The following RANBP2 variants were observed in gnomAD, a reference collection of about 807,000 sequenced individuals.
RANBP2 encodes RAN binding protein 2, also known as E3 SUMO-protein ligase RanBP2.
In RANBP2, 57 loss-of-function variants were observed where a neutral mutation model predicts 303.6. That is an observed-to-expected ratio of 0.19 (90% CI 0.15 to 0.23). The LOEUF (loss-of-function observed/expected upper bound fraction) is 0.23, where lower values mean the gene tolerates loss of function less well. RANBP2 is among the 10% of genes least tolerant of loss of function. RANBP2 has a pLI of 1.00. For missense variants in RANBP2, 3,138 were observed against 3,780.8 expected, an observed-to-expected ratio of 0.83 and a Z score of 4.46; for synonymous variants, 1,167 against 1,301.5, an observed-to-expected ratio of 0.90 and a Z score of 2.23.
At chr2:108,889,371 A>G in the RANBP2 span, among the ~76,000 whole-genome samples, 1 of 152,138 alleles carries the variant, frequency 6.6e-6, no homozygotes, top group Non-Finnish European at 1.5e-5. Flanking sequence ...TGATCTATCT[A>G]ATGCTGAGTG....
chr2:109,116,047 T>G, the RANBP2 span, among the ~76,000 whole-genome samples: 3 of 152,366 alleles, frequency 2.0e-5, no homozygotes, highest in South Asian at 6.2e-4. Context: ...AATCTTTCTC[T>G]CTGTTTGCCC....
the RANBP2 span, chr2:108,884,460 A>G: frequency 6.6e-6 from 1 of 152,228 alleles, no homozygotes; most frequent in African/African-American, 2.4e-5. Flanking sequence ...GAGACAGTGA[A>G]TATGTTCCCA....
the RANBP2 span, among the ~76,000 whole-genome samples, chr2:109,232,952 AC>A: frequency 5.4e-3 from 818 of 152,036 alleles, 1 homozygote; most frequent in Non-Finnish European, 7.3e-3. Flanking sequence ...GAGTTCCCTT[AC>A]CCCTTTGTGA....
the RANBP2 span, among the ~76,000 whole-genome samples, chr2:109,225,816 A>G: frequency 6.6e-6 from 1 of 152,236 alleles, no homozygotes; most frequent in East Asian, 1.9e-4. Flanking sequence ...CCCGGGCTGC[A>G]CTGCAGAAGT....
chr2:108,930,557 C>A, the RANBP2 span, among the ~76,000 whole-genome samples: 8 of 152,118 alleles, frequency 5.3e-5, no homozygotes, highest in African/African-American at 1.9e-4. Flanking sequence ...GGAGGAGGCG[C>A]CCCTGTCCCC....
the RANBP2 span, among the ~76,000 whole-genome samples, chr2:109,159,694 A>C: frequency 6.6e-6 from 1 of 152,142 alleles, no homozygotes; most frequent in African/African-American, 2.4e-5. Flanking sequence ...CTGTATTTAC[A>C]TCAGCTCCCA....
the RANBP2 span, among the ~76,000 whole-genome samples, chr2:108,792,827 G>A: frequency 6.6e-6 from 1 of 152,180 alleles, no homozygotes; most frequent in South Asian, 2.1e-4. Flanking sequence ...CACTTTGGGA[G>A]GCCGAGGCGG....
the RANBP2 span, among the ~76,000 whole-genome samples, chr2:109,273,641 A>G: frequency 1.3e-5 from 2 of 152,220 alleles, no homozygotes; most frequent in Non-Finnish European, 2.9e-5. Flanking sequence ...ATGGCTTCAT[A>G]TGATGATAGA....
the RANBP2 span, among the ~76,000 whole-genome samples, chr2:108,879,609 T>C: frequency 2.6e-5 from 4 of 152,224 alleles, no homozygotes; most frequent in African/African-American, 9.6e-5. Context: ...AAATATATTT[T>C]GGCCAGGCTA....
the RANBP2 span, among the ~76,000 whole-genome samples, chr2:109,354,330 G>A: frequency 6.6e-6 from 1 of 152,188 alleles, no homozygotes; most frequent in Non-Finnish European, 1.5e-5. Flanking sequence ...AGGGTCAGGG[G>A]CCTTCTCTGG....
the RANBP2 span, among the ~76,000 whole-genome samples, chr2:109,148,578 C>T: frequency 1.3e-5 from 2 of 152,240 alleles, no homozygotes; most frequent in Non-Finnish European, 2.9e-5. Flanking sequence ...TAATAGACCC[C>T]ATTAGATCAC....
the RANBP2 span, among the ~76,000 whole-genome samples, chr2:109,080,022 C>A: frequency 6.6e-6 from 1 of 152,170 alleles, no homozygotes; most frequent in Non-Finnish European, 1.5e-5. Flanking sequence ...ATGGAATACC[C>A]GGAATAGGGC....
chr2:108,862,166 C>T, the RANBP2 span, among the ~76,000 whole-genome samples: 1 of 147,236 alleles, frequency 6.8e-6, no homozygotes, highest in Admixed American at 6.8e-5. Context: ...AATATATATT[C>T]TGTGGTTGTG....
the RANBP2 span, among the ~76,000 whole-genome samples, chr2:108,929,720 G>A: frequency 6.6e-6 from 1 of 152,180 alleles, no homozygotes; most frequent in Non-Finnish European, 1.5e-5. Flanking sequence ...AAACCCCGGA[G>A]GTTTCCCTTA....
At chr2:108,968,132 C>G in the RANBP2 span, among the ~76,000 whole-genome samples, 1 of 152,162 alleles carries the variant, frequency 6.6e-6, no homozygotes. Flanking sequence ...CAGCCACCAC[C>G]TGGGGAAGGC....
intron 4 of RANBP2, among the ~76,000 whole-genome samples, chr2:108,734,564 C>T (rs1573712622): frequency 6.6e-6 from 1 of 151,850 alleles, no homozygotes; most frequent in Non-Finnish European, 1.5e-5. Context: ...GGGATTATAG[C>T]ATTTTTTGCC....
the RANBP2 span, among the ~76,000 whole-genome samples, chr2:109,053,844 C>G: frequency 1.1e-4 from 17 of 152,126 alleles, no homozygotes; most frequent in Non-Finnish European, 2.2e-4. Flanking sequence ...CCTCCCCCAT[C>G]AAGTTCCCTT....
Position 108,766,592 on chromosome 2 carries a change from A to C in RANBP2, c.6053A>C (p.Gln2018Pro), listed in dbSNP as rs764414439. ...GACATCCATTTTGAACCAGTAGTTC[A>C]AATGCCCGAAAAAGTAGAACTTGTA... ...SDDIHFEPVV[Q>P]MPEKVELVTG... The change falls in exon 20 of 29, where the codon CAA becomes CCA. Residue 2018 changes from glutamine to proline, a missense_variant. Physicochemically the swap from Gln to Pro is moderately conservative, Grantham distance 76. Coordinates refer to ENST00000283195, the MANE Select transcript of RANBP2 (RefSeq NM_006267.5). 3 of 1,612,004 alleles carry C rather than the reference A, an allele frequency of 1.9e-6. No individual in the cohort carries two copies. The highest frequency in any genetic ancestry group is 2.3e-4 in the Middle Eastern group (1 of 4,430).
At chr2:109,078,201 T>C in the RANBP2 span, among the ~76,000 whole-genome samples, 2 of 108,090 alleles carry the variant, frequency 1.9e-5, 1 homozygote, top group Non-Finnish European at 3.9e-5. Flanking sequence ...ATATAGCGTA[T>C]ATATATAGCG....
Sources: gnomAD v4.1 joint callset for allele counts (sites outside exome capture counted in the v4.1 genomes callset) on GRCh38, gnomAD v4.1.1 for gene constraint, MANE v1.5 for transcripts, NCBI Gene and HGNC (gene_info 2026-07-23, HGNC 2026-07-21) for gene names.